The following SKA3 variants were observed in gnomAD, a reference collection of about 807,000 sequenced individuals.
SKA3 encodes the protein spindle and kinetochore-associated protein 3.
SKA3 carries 39 observed loss-of-function variants against 44.2 expected under a neutral mutation model. The ratio of observed to expected loss-of-function variants is 0.88; its 90% CI spans 0.68 to 1.15. The LOEUF is 1.15. SKA3 is among the 50% of genes most tolerant of loss of function. The probability of loss-of-function intolerance (pLI) is 0.00; values close to 1 mark genes in which losing one functional copy is unlikely to be tolerated. For missense variants in SKA3, 511 were observed against 485.8 expected, an observed-to-expected ratio of 1.05 and a Z score of -0.49; for synonymous variants, 192 against 172.0, an observed-to-expected ratio of 1.12 and a Z score of -0.91.
chr13:21,172,436 T>G lies in SKA3; in HGVS notation c.234A>C (p.Ala78=), dbSNP rs1420650675. ...ENQEGIDFIK[A]TKVLMEKNSM... ...AATTTTTTTCCATTAGTACTTTTGT[T>G]GCCTTTATGAAATCAATGCCTTCTT... The change falls in exon 3 of 9, where the codon GCA becomes GCC. Residue 78 remains alanine, a synonymous_variant. Transcript: ENST00000314759. 1 of 1,593,772 alleles carries G rather than the reference T, an allele frequency of 6.3e-7. No homozygotes were observed.
intron 4 of SKA3, among the ~76,000 whole-genome samples, chr13:21,163,260 G>A (rs1870534959): frequency 6.6e-6 from 1 of 152,064 alleles, no homozygotes; most frequent in Admixed American, 6.6e-5. Flanking sequence ...AGTCCTCTAT[G>A]GAAGCTTCCC....
At position 21,154,492 on chromosome 13, in the gene SKA3, C is replaced by T; in HGVS notation, c.*658G>A. The T allele has an allele frequency of 6.5e-6, 1 of 153,280 alleles. No individual in the cohort carries two copies. Among genetic ancestry groups the T allele is most frequent in the Non-Finnish European group, 1.5e-5 (1 of 68,776 alleles). The allele number at this position is 153,280 out of a possible 1,614,324, so 9.5% of individuals were successfully genotyped here. On this transcript the variant is annotated 3_prime_UTR_variant, in exon 9 of 9. Coordinates refer to ENST00000314759, the MANE Select transcript of SKA3 (RefSeq NM_145061.6). ...GTCAGCTGCCATGTGATAGAAAGAGCTGACATAAGAGAAAAGACCCCCACA... is the reference window on the plus strand; with the variant it reads ...GTCAGCTGCCATGTGATAGAAAGAGTTGACATAAGAGAAAAGACCCCCACA...
At position 21,168,291 on chromosome 13, in the gene SKA3, C is replaced by T. The variant is rs753462051; in HGVS notation, c.440G>A (p.Cys147Tyr). The part of the protein sequence containing the change: ...DLSDPPVASS[C>Y]ISEKSPRSPQ... ...ACTACGTGGAGACTTCTCAGAAATA[C>T]AACTGCTTGCAACAGGAGGATCAGA... The change falls in exon 4 of 9, where the codon TGT (cysteine) becomes TAT (tyrosine). Residue 147 changes from cysteine (C) to tyrosine (Y), a missense_variant. Physicochemically the swap from Cys to Tyr is radical, Grantham distance 194 (BLOSUM62 -2). Transcript: ENST00000314759. 1.5e-5 allele frequency: 24 copies of T among 1,614,082 alleles called. No individual in the cohort carries two copies. Among genetic ancestry groups the T allele is most frequent in the Non-Finnish European group, 1.9e-5 (23 of 1,180,036 alleles).
intron 8 of SKA3, 133 bp downstream of exon 8, chr13:21,155,560 C>T (rs2137353061): frequency 1.6e-6 from 1 of 645,000 alleles, no homozygotes. Flanking sequence ...GTGTGCACCA[C>T]CACACCTGGC....
chr13:21,165,026 ATTTTC>A (rs1430004984), intron 4 of SKA3, among the ~76,000 whole-genome samples: 7 of 151,768 alleles, frequency 4.6e-5, no homozygotes, highest in Admixed American at 2.0e-4. Flanking sequence ...ACTTATCTAT[ATTTTC>A]TTTTATTTTT....
At chr13:21,174,780 C>CAAT (rs1386325425) in intron 1 of SKA3, among the ~76,000 whole-genome samples, 1 of 151,528 alleles carries the variant, frequency 6.6e-6, no homozygotes, top group Non-Finnish European at 1.5e-5. Context: ...ACAACAACAA[C>CAAT]AACAACAACA....
chr13:21,163,468 A>C (rs1310483125), intron 4 of SKA3, among the ~76,000 whole-genome samples: 1 of 152,214 alleles, frequency 6.6e-6, no homozygotes, highest in African/African-American at 2.4e-5. Flanking sequence ...AAATTTCATA[A>C]AGGCTTTTAT....
At chr13:21,174,474 T>C (rs927988148) in intron 1 of SKA3, among the ~76,000 whole-genome samples, 4 of 152,068 alleles carry the variant, frequency 2.6e-5, no homozygotes, top group African/African-American at 7.2e-5. Flanking sequence ...AGCAAACTAT[T>C]GCAAGGACAA....
Position 21,168,025 on chromosome 13 carries a change from A to G in SKA3, c.706T>C (p.Tyr236His), listed in dbSNP as rs967277511. ...SEYTMCLNEDYTMGLKNARNN... is the reference protein window; with the variant it reads ...SEYTMCLNEDHTMGLKNARNN... ...CTCGCATTTTTAAGTCCCATTGTGT[A>G]ATCTTCATTTAAACACATAGTATAT... The change falls in exon 4 of 9, where the codon TAC becomes CAC. Residue 236 changes from tyrosine (Y) to histidine (H), a missense_variant. By Grantham distance (83) the Tyr-to-His change is moderately conservative. Transcript: ENST00000314759. The G allele has an allele frequency of 6.2e-7, 1 of 1,602,868 alleles. No individual in the cohort carries two copies. The highest frequency in any genetic ancestry group is 1.3e-5 in the African/African-American group (1 of 74,236).
At chr13:21,155,915 T>C (rs1870095635) in intron 7 of SKA3, 104 bp from the exon 8 acceptor site, 6 of 721,706 alleles carry the variant, frequency 8.3e-6, no homozygotes, top group East Asian at 2.6e-5. Flanking sequence ...GGGGCGGGCA[T>C]GGTGGCTCAC....
At chr13:21,167,761 C>T (rs957325506) in intron 4 of SKA3, among the ~76,000 whole-genome samples, 6 of 144,630 alleles carry the variant, frequency 4.1e-5, no homozygotes, top group South Asian at 2.2e-4. Context: ...AGCAAGCCTC[C>T]GTCTCGAAAA....
intron 7 of SKA3, among the ~76,000 whole-genome samples, chr13:21,157,466 A>G (rs1022368335): frequency 7.9e-5 from 12 of 152,230 alleles, no homozygotes; most frequent in Non-Finnish European, 4.4e-5. Context: ...TTGTGTATCT[A>G]AACACAGAAA....
In SKA3 at chr13:21,154,460, G is replaced by C. The variant is rs41289561; in HGVS notation, c.*690C>G. The stretch of plus-strand genomic sequence containing the variant: ...GGGTGTCCAAGCTGCAGAGTGGAGC[G>C]TGAGAGGTCAGCTGCCATGTGATAG... On this transcript the variant is annotated 3_prime_UTR_variant, in exon 9 of 9. Coordinates refer to ENST00000314759, the MANE Select transcript of SKA3 (RefSeq NM_145061.6). The C allele has an allele frequency of 1.3e-5, 2 of 153,036 alleles. No individual in the cohort carries two copies. Among genetic ancestry groups the C allele is most frequent in the South Asian group, 4.1e-4 (2 of 4,880 alleles). The allele number at this position is 153,036 out of a possible 1,614,324, so 9.5% of individuals were successfully genotyped here. A position where few individuals can be genotyped will look rare whatever the true frequency, so the allele number is the denominator to read the frequency against.
intron 5 of SKA3, among the ~76,000 whole-genome samples, chr13:21,160,298 GGAGGAGGAAGACGGAGAAC>G (rs1870367025): frequency 6.6e-6 from 1 of 152,144 alleles, no homozygotes; most frequent in Non-Finnish European, 1.5e-5. Flanking sequence ...TTCTGACAAA[GGAGGAGGAAGACGGAGAAC>G]AGGTCACTTG....
chr13:21,153,935 T>C lies in SKA3; in HGVS notation c.*1215A>G, dbSNP rs753493256. 6.6e-6 allele frequency: 1 copy of C among 152,176 alleles called. No homozygotes were observed. Among genetic ancestry groups the C allele is most frequent in the Non-Finnish European group, 1.5e-5 (1 of 68,044 alleles). 9.4% of individuals were successfully genotyped at this position (152,176 alleles called of 1,614,324 possible). ...TATCTTAACATTTTATTTTACATTA[T>C]ATTTAATAAAAATAATACTTACAAC... On this transcript the variant is annotated 3_prime_UTR_variant, in exon 9 of 9. Transcript: ENST00000314759.
At chr13:21,169,985 C>A (rs1227985754) in intron 3 of SKA3, among the ~76,000 whole-genome samples, 1 of 152,016 alleles carries the variant, frequency 6.6e-6, no homozygotes, top group African/African-American at 2.4e-5. Context: ...CAACTGTGTT[C>A]CAGATTTAAC....
intron 4 of SKA3, among the ~76,000 whole-genome samples, 187 bp downstream of exon 4, chr13:21,167,801 A>C (rs377630194): frequency 2.0e-5 from 3 of 151,814 alleles, no homozygotes; most frequent in Middle Eastern, 3.4e-3. Flanking sequence ...CCAAAAAAAA[A>C]CTTATTGATG....
rs1421255045 is a variant in SKA3 at position 21,161,829 on chromosome 13, C to CA, written c.789dup (p.Ala264CysfsTer14). 1.9e-6 allele frequency: 3 copies of CA among 1,611,948 alleles called. No homozygotes were observed. Among genetic ancestry groups the CA allele is most frequent in the Non-Finnish European group, 2.5e-6 (3 of 1,178,724 alleles). ...TGCTGGATGATGGGGCTGGGAGTGG[C>CA]AAAAACATTATCATTGAGCCTGGAT... On this transcript the variant is annotated frameshift_variant, in exon 5 of 9. Transcript: ENST00000314759. LOFTEE classifies it high-confidence loss of function.
In SKA3 at chr13:21,154,981, T is replaced by C. The variant is rs919578154; in HGVS notation, c.*169A>G. ...TCAACAAGACTAAGGTTAAACCTTA[T>C]TGAAACTTCATAAAAAGCATATTAT... On this transcript the variant is annotated 3_prime_UTR_variant, in exon 9 of 9. Transcript: ENST00000314759. The C allele has an allele frequency of 6.1e-6, 7 of 1,147,798 alleles. No individual in the cohort carries two copies. Among genetic ancestry groups the C allele is most frequent in the African/African-American group, 4.7e-5 (3 of 63,282 alleles). The allele number at this position is 1,147,798 out of a possible 1,614,324, so 71.1% of individuals were successfully genotyped here. A position where few individuals can be genotyped will look rare whatever the true frequency, so the allele number is the denominator to read the frequency against.
Sources: allele counts gnomAD v4.1 joint callset (sites outside exome capture counted in the v4.1 genomes callset), GRCh38; gene constraint gnomAD v4.1.1; transcripts MANE v1.5; gene names NCBI Gene and HGNC (gene_info 2026-07-23, HGNC 2026-07-21).